The following LARGE2 variants were observed in gnomAD, a reference collection of about 807,000 sequenced individuals.
The protein encoded by LARGE2 is LARGE xylosyl- and glucuronyltransferase 2.
LARGE2 carries 63 observed loss-of-function variants against 75.3 expected under a neutral mutation model. The observed-to-expected ratio is 0.84, with a 90% CI of 0.68 to 1.03. LARGE2 has a LOEUF of 1.03. Ranked by LOEUF, LARGE2 falls within the 50% of genes least tolerant of loss-of-function variation. LARGE2 has a pLI of 0.00. For missense variants in LARGE2, 925 were observed against 980.6 expected (o/e 0.94, Z 0.76); for synonymous variants, 428 against 420.1 (o/e 1.02, Z -0.23).
chr11:45,928,414 C>T (rs1196339595), intron 13 of LARGE2, 42 bp downstream of exon 13: 16 of 1,596,276 alleles, frequency 1.0e-5, no homozygotes, highest in African/African-American at 1.3e-5. Context: ...GACTCGAGCA[C>T]CTCCAGGTCC....
Position 45,926,607 on chromosome 11 carries a change from AG to A in LARGE2, c.1164+11del, listed in dbSNP as rs1391178915. ...ACCTGGTGCTGAGCAGGTGAGAAGG[AG>A]TCACCTTCCCCTGCCCCTCTCTGCT... On this transcript the variant is annotated intron_variant, in intron 9 of 13. Transcript: ENST00000401752. 1 of 1,613,754 alleles carries A rather than the reference AG, an allele frequency of 6.2e-7. No homozygotes were observed. Among genetic ancestry groups the A allele is most frequent in the East Asian group, 2.2e-5 (1 of 44,878 alleles).
At position 45,926,332 on chromosome 11, in the gene LARGE2, G is replaced by A; in HGVS notation, c.993G>A (p.Glu331=). 1 of 1,614,202 alleles carries A rather than the reference G, an allele frequency of 6.2e-7. No homozygotes were observed. The highest frequency in any genetic ancestry group is 8.5e-7 in the Non-Finnish European group (1 of 1,180,030). Residue 331 remains glutamate, a synonymous_variant, in exon 8 of 14, where the codon GAG becomes GAA. Transcript: ENST00000401752. The part of the protein sequence containing the change: ...DHTLAERCYS[E]ASDLKVIHWN... ...CACTGGCCGAGCGCTGCTACTCTGA[G>A]GCGTCTGACCTCAAGGTGAGTGGGA...
At position 45,926,695 on chromosome 11, in the gene LARGE2, C is replaced by T. The variant is rs1432888476; in HGVS notation, c.1165-16C>T. 1 of 1,609,770 alleles carries T rather than the reference C, an allele frequency of 6.2e-7. No individual in the cohort carries two copies. ...TCTGCCCTATCCCCGGTCCTTGTCACCCCTTGCCCCCTCAGTTGCAGCAGG... is the reference window on the plus strand; with the variant it reads ...TCTGCCCTATCCCCGGTCCTTGTCATCCCTTGCCCCCTCAGTTGCAGCAGG... On this transcript the variant is annotated splice_polypyrimidine_tract_variant and intron_variant, in intron 9 of 13. Coordinates refer to ENST00000401752, the MANE Select transcript of LARGE2 (RefSeq NM_001300721.2).
intron 10 of LARGE2, 140 bp downstream of exon 10, chr11:45,927,011 G>C: frequency 1.0e-6 from 1 of 972,898 alleles, no homozygotes. Flanking sequence ...GGAGACATTG[G>C]ATATGGTGGA....
chr11:45,926,969 A>T (rs995639431), intron 10 of LARGE2, 98 bp downstream of exon 10: 14 of 1,250,768 alleles, frequency 1.1e-5, no homozygotes, highest in Non-Finnish European at 1.5e-5. Context: ...TGTGGTAGTG[A>T]GCTACCTGTC....
chr11:45,923,639 T>C, intron 3 of LARGE2, 84 bp downstream of exon 3: 1 of 1,207,406 alleles, frequency 8.3e-7, no homozygotes, highest in Non-Finnish European at 1.2e-6. Context: ...GAGCTTCAGC[T>C]TCCTCATCTG....
In LARGE2 at chr11:45,922,900, C is replaced by T; in HGVS notation, c.18C>T (p.Arg6=). 2 of 1,272,132 alleles carry T rather than the reference C, an allele frequency of 1.6e-6. No homozygotes were observed. The highest frequency in any genetic ancestry group is 2.9e-5 in the South Asian group (1 of 34,416). The allele number at this position is 1,272,132 out of a possible 1,614,324, so 78.8% of individuals were successfully genotyped here. A position where few individuals can be genotyped will look rare whatever the true frequency, so the allele number is the denominator to read the frequency against. The change falls in exon 2 of 14, where the codon CGC becomes CGT. Residue 6 remains arginine, a synonymous_variant. Transcript: ENST00000401752. Reference sequence around the variant, plus strand: ...CGGCGGCCATGCTGCCCCGAGGGCGCCCCCGGGCGCTGGGGGCCGCCGCGC... The same window carrying T: ...CGGCGGCCATGCTGCCCCGAGGGCGTCCCCGGGCGCTGGGGGCCGCCGCGC... The part of the protein sequence containing the change: MLPRG[R]PRALGAAALL...
At chr11:45,928,446 TGG>T (rs763938675) in intron 13 of LARGE2, 74 bp downstream of exon 13, 4 of 1,556,006 alleles carry the variant, frequency 2.6e-6, no homozygotes, top group Non-Finnish European at 3.5e-6. Context: ...GACACCTGCA[TGG>T]GGGACCACAC....
Position 45,927,990 on chromosome 11 carries a change from C to G in LARGE2, c.1675C>G (p.Leu559Val). 6.2e-7 allele frequency: 1 copy of G among 1,613,918 alleles called. No individual in the cohort carries two copies. The highest frequency in any genetic ancestry group is 8.5e-7 in the Non-Finnish European group (1 of 1,180,030). ...AALVVPAFET[L>V]RYRFSFPHSK... ...ACTGGTGGTGCCGGCATTCGAGACCCTGCGCTACCGCTTCAGCTTCCCCCA... is the reference window on the plus strand; with the variant it reads ...ACTGGTGGTGCCGGCATTCGAGACCGTGCGCTACCGCTTCAGCTTCCCCCA... Residue 559 changes from leucine to valine, a missense_variant, in exon 12 of 14, where the codon CTG (leucine) becomes GTG (valine). This residue lies in a region of LARGE2 where 469 missense variants were observed against 503.8 expected (regional missense o/e 0.93). Transcript: ENST00000401752.
chr11:45,927,983 C>G lies in LARGE2; in HGVS notation c.1668C>G (p.Phe556Leu). 2 of 1,613,708 alleles carry G rather than the reference C, an allele frequency of 1.2e-6. No individual in the cohort carries two copies. Among genetic ancestry groups the G allele is most frequent in the Non-Finnish European group, 1.7e-6 (2 of 1,180,000 alleles). ...AGGCAGCACTGGTGGTGCCGGCATT[C>G]GAGACCCTGCGCTACCGCTTCAGCT... ...RRKAALVVPA[F>L]ETLRYRFSFP... Residue 556 changes from phenylalanine to leucine, a missense_variant, in exon 12 of 14, where the codon TTC (phenylalanine) becomes TTG (leucine). Physicochemically the swap from Phe to Leu is conservative, Grantham distance 22. This residue lies in a region of LARGE2 where 469 missense variants were observed against 503.8 expected (regional missense o/e 0.93). Transcript: ENST00000401752.
In LARGE2 at chr11:45,922,886, C is replaced by T; in HGVS notation, c.4C>T (p.Leu2=). The T allele has an allele frequency of 7.9e-7, 1 of 1,265,726 alleles. No individual in the cohort carries two copies. Among genetic ancestry groups the T allele is most frequent in the Non-Finnish European group, 9.9e-7 (1 of 1,010,164 alleles). The allele number at this position is 1,265,726 out of a possible 1,614,324, so 78.4% of individuals were successfully genotyped here. A position where few individuals can be genotyped will look rare whatever the true frequency, so the allele number is the denominator to read the frequency against. The change falls in exon 2 of 14, where the codon CTG becomes TTG. Residue 2 remains leucine (L), a synonymous_variant. Coordinates refer to ENST00000401752, the MANE Select transcript of LARGE2 (RefSeq NM_001300721.2). ...CTGAGCGCCCCCGTCGGCGGCCATG[C>T]TGCCCCGAGGGCGCCCCCGGGCGCT... M[L]PRGRPRALGA...
At position 45,928,664 on chromosome 11, in the gene LARGE2, C is replaced by T. The variant is rs751142200; in HGVS notation, c.1985C>T (p.Thr662Ile). ...CTCCTGGTGCTGCCCGAGGCCTTCA[C>T]CATCCATCTGCCCCACGCTCCAAGC... ...YELLVLPEAF[T>I]IHLPHAPSLD... Residue 662 changes from threonine to isoleucine, a missense_variant, in exon 14 of 14, where the codon ACC becomes ATC. Thr to Ile is a moderately conservative substitution (Grantham distance 89). Transcript: ENST00000401752. The T allele has an allele frequency of 6.2e-7, 1 of 1,614,186 alleles. No individual in the cohort carries two copies. The highest frequency in any genetic ancestry group is 8.5e-7 in the Non-Finnish European group (1 of 1,180,028).
chr11:45,923,367 T>G (rs1000105779), intron 2 of LARGE2, 106 bp from the exon 3 acceptor site: 8 of 1,223,140 alleles, frequency 6.5e-6, no homozygotes, highest in Non-Finnish European at 9.3e-6. Flanking sequence ...TGCTGCCCCC[T>G]CCGCACACTG....
Position 45,924,650 on chromosome 11 carries a change from C to T in LARGE2, c.637C>T (p.Leu213Phe). Residue 213 changes from leucine to phenylalanine, a missense_variant, in exon 5 of 14, where the codon CTC becomes TTC. By Grantham distance (22) the Leu-to-Phe change is conservative. Transcript: ENST00000401752. The stretch of plus-strand genomic sequence containing the variant: ...CACCTTCGCCTCTGACATCTCGGAG[C>T]TCTGGGCCCTCTTTGCTCACTTTTC... Reference protein sequence around the residue: ...DVTFASDISELWALFAHFSDT... With the variant: ...DVTFASDISEFWALFAHFSDT... 2 of 1,613,620 alleles carry T rather than the reference C, an allele frequency of 1.2e-6. No individual in the cohort carries two copies. The highest frequency in any genetic ancestry group is 1.7e-6 in the Non-Finnish European group (2 of 1,179,750).
rs376405328 is a variant in LARGE2 at position 45,928,114 on chromosome 11, C to A, written c.1754+45C>A. The A allele has an allele frequency of 8.7e-6, 14 of 1,612,744 alleles. No homozygotes were observed. In the African/African-American group the frequency reaches 1.9e-4, roughly 21 times the overall value. On this transcript the variant is annotated intron_variant, in intron 12 of 13. Transcript: ENST00000401752. ...TGCCCACTCCACTCACTTGCCCACA[C>A]TGGCCCCCACTACCCACGAGCTCCT...
At position 45,926,873 on chromosome 11, in the gene LARGE2, T is replaced by G; in HGVS notation, c.1325+2T>G. Reference sequence around the variant, plus strand: ...TGTGGCCCAGCTGTCCATGGACCGGTGAGGGTGCAGAGGGCAGCCCAGGGG... The same window carrying G: ...TGTGGCCCAGCTGTCCATGGACCGGGGAGGGTGCAGAGGGCAGCCCAGGGG... On this transcript the variant is annotated splice_donor_variant, in intron 10 of 13. Transcript: ENST00000401752. LOFTEE classifies it high-confidence loss of function. 6.2e-7 allele frequency: 1 copy of G among 1,608,536 alleles called. No individual in the cohort carries two copies. The highest frequency in any genetic ancestry group is 8.5e-7 in the Non-Finnish European group (1 of 1,178,380).
rs372844613 is a variant in LARGE2 at position 45,928,048 on chromosome 11, C to T, written c.1733C>T (p.Ala578Val). 29 of 1,613,884 alleles carry T rather than the reference C, an allele frequency of 1.8e-5. No individual in the cohort carries two copies. The highest frequency in any genetic ancestry group is 1.6e-4 in the Middle Eastern group (1 of 6,062). Residue 578 changes from alanine to valine, a missense_variant, in exon 12 of 14, where the codon GCG (alanine) becomes GTG (valine). Ala to Val is a moderately conservative substitution (Grantham distance 64, BLOSUM62 0). Transcript: ENST00000401752. ...SKVELLALLD[A>V]GTLYTFRYHE... The stretch of plus-strand genomic sequence containing the variant: ...GTGGAGCTGTTGGCCTTGCTGGATG[C>T]GGGCACTCTCTACACCTTCAGGTAG...
At chr11:45,922,792 A>C in intron 1 of LARGE2, 29 bp from the exon 2 acceptor site, 1 of 1,058,478 alleles carries the variant, frequency 9.4e-7, no homozygotes, top group Non-Finnish European at 1.2e-6. Context: ...CCCAGGGCTG[A>C]GTCTCCCATC....
In LARGE2 at chr11:45,926,367, G is replaced by T; in HGVS notation, c.1008+20G>T. 7 of 1,614,054 alleles carry T rather than the reference G, an allele frequency of 4.3e-6. No individual in the cohort carries two copies. Among genetic ancestry groups the T allele is most frequent in the Non-Finnish European group, 5.9e-6 (7 of 1,179,998 alleles). On this transcript the variant is annotated intron_variant, in intron 8 of 13. Transcript: ENST00000401752. ...CTCAAGGTGAGTGGGACAAGAGGCTGTGTGGTGGTGGGGGGCCATGGATGG... is the reference window on the plus strand; with the variant it reads ...CTCAAGGTGAGTGGGACAAGAGGCTTTGTGGTGGTGGGGGGCCATGGATGG...
Sources: allele counts gnomAD v4.1 joint callset, GRCh38; gene constraint gnomAD v4.1.1; regional missense constraint gnomAD v4.1.1; transcripts MANE v1.5; gene names NCBI Gene and HGNC (gene_info 2026-07-23, HGNC 2026-07-21).